Variants in PRDM1 observed in about 807,000 individuals in gnomAD.
PRDM1 encodes the protein PR domain zinc finger protein 1.
A neutral mutation model predicts 62.8 loss-of-function variants in PRDM1; 13 were observed. The ratio of observed to expected loss-of-function variants is 0.21; its 90% CI spans 0.13 to 0.33. PRDM1 has a LOEUF of 0.33. PRDM1 is among the 10% of genes least tolerant of loss of function. The probability of loss-of-function intolerance (pLI) is 1.00; values close to 1 mark genes in which losing one functional copy is unlikely to be tolerated. For synonymous variants in PRDM1, 396 were observed against 417.6 expected (o/e 0.95, Z 0.63); for missense variants, 895 against 1,058.8 (o/e 0.85, Z 2.15).
At chr6:106,074,129 T>TA in intron 1 of PRDM1, among the ~76,000 whole-genome samples, 1 of 152,328 alleles carries the variant, frequency 6.6e-6, no homozygotes, top group Admixed American at 6.5e-5. Flanking sequence ...TATAGCATCT[T>TA]AGTGGTTAAA....
chr6:106,078,356 T>C (rs940558714), intron 1 of PRDM1: 1 of 152,138 alleles, frequency 6.6e-6, no homozygotes, highest in Admixed American at 6.5e-5. Flanking sequence ...TAGAATTTCC[T>C]CAGAAGGGCA....
upstream of PRDM1, among the ~76,000 whole-genome samples, chr6:106,083,389 A>C (rs1773728242): frequency 1.3e-5 from 2 of 152,074 alleles, no homozygotes; most frequent in African/African-American, 4.8e-5. Flanking sequence ...TAGGAAAAAA[A>C]AGTTCCTTTC....
At chr6:106,065,304 T>G (rs1773415876) in intron 1 of PRDM1, among the ~76,000 whole-genome samples, 1 of 152,146 alleles carries the variant, frequency 6.6e-6, no homozygotes, top group Non-Finnish European at 1.5e-5. Context: ...TCTTATATAT[T>G]ATTTATTCAA....
At chr6:106,039,625 G>A (rs930819984) in intron 1 of PRDM1, among the ~76,000 whole-genome samples, 1 of 151,962 alleles carries the variant, frequency 6.6e-6, no homozygotes, top group African/African-American at 2.4e-5. Context: ...TTGAAATATA[G>A]GCCACCTGGA....
intron 1 of PRDM1, among the ~76,000 whole-genome samples, chr6:106,006,982 G>C (rs1772491418): frequency 6.6e-6 from 1 of 151,990 alleles, no homozygotes; most frequent in Non-Finnish European, 1.5e-5. Flanking sequence ...TCAAAGTCAT[G>C]CTTATTATCT....
upstream of PRDM1, among the ~76,000 whole-genome samples, chr6:106,081,935 G>T (rs76125945): frequency 5.6e-3 from 859 of 152,214 alleles, 17 homozygotes; most frequent in East Asian, 0.046. Flanking sequence ...TAAGCCAACT[G>T]GTCCTCCCTA....
intron 2 of PRDM1, among the ~76,000 whole-genome samples, chr6:106,092,055 T>A (rs1315149411): frequency 6.6e-6 from 1 of 151,572 alleles, no homozygotes; most frequent in Non-Finnish European, 1.5e-5. Flanking sequence ...CAGATGACAT[T>A]TAGACTTGGA....
Position 106,106,286 on chromosome 6 carries a change from G to T in PRDM1, c.1774-85G>T. The T allele has an allele frequency of 6.6e-7, 1 of 1,522,270 alleles. No homozygotes were observed. The highest frequency in any genetic ancestry group is 8.9e-7 in the Non-Finnish European group (1 of 1,118,606). 94.3% of individuals were successfully genotyped at this position (1,522,270 alleles called of 1,614,324 possible). On this transcript the variant is annotated intron_variant, in intron 5 of 6. Coordinates refer to ENST00000369096, the MANE Select transcript of PRDM1 (RefSeq NM_001198.4). This position sits in a 1 kb window ranked among gnomAD's most constrained non-coding sequence, Gnocchi z 4.4. ...TCTTGATGCTTTTCTTAAGATATTT[G>T]CATCAACACTTGAGTCTTGGAGCAG...
rs1774574573 is a variant in PRDM1, at chr6:106,108,430, C to T, written c.*944C>T. 1 of 231,614 alleles carries T rather than the reference C, an allele frequency of 4.3e-6. No individual in the cohort carries two copies. 14.3% of individuals were successfully genotyped at this position (231,614 alleles called of 1,614,324 possible). Reference sequence around the variant, plus strand: ...AAAAAAATGCCATGTTTTAAAACCACTGCGAAAATTTCCCCAAAGCATAGG... The same window carrying T: ...AAAAAAATGCCATGTTTTAAAACCATTGCGAAAATTTCCCCAAAGCATAGG... On this transcript the variant is annotated 3_prime_UTR_variant, in exon 7 of 7. Coordinates refer to ENST00000369096, the MANE Select transcript of PRDM1 (RefSeq NM_001198.4).
At chr6:106,086,639 GA>G (rs1418824192) in intron 1 of PRDM1, 44 bp downstream of exon 1, 3 of 1,488,006 alleles carry the variant, frequency 2.0e-6, no homozygotes, top group Non-Finnish European at 2.7e-6. Context: ...AAATTGATCT[GA>G]AAACTTTATT....
chr6:105,996,874 T>C (rs1489080859), intron 1 of PRDM1, among the ~76,000 whole-genome samples: 1 of 152,252 alleles, frequency 6.6e-6, no homozygotes, highest in Non-Finnish European at 1.5e-5. Context: ...CCAAATTGAC[T>C]GTCTCCTGGC....
chr6:106,107,373 T>C lies in PRDM1; in HGVS notation c.2365T>C (p.Cys789Arg). ...NMGNGLLSSGCSLYESSDLPL... is the reference protein window; with the variant it reads ...NMGNGLLSSGRSLYESSDLPL... ...GGGGAATGGACTCCTCTCCTCAGGG[T>C]GCAGCCTTTATGAGTCATCAGATCT... is the stretch of plus-strand genomic sequence containing the variant. Residue 789 changes from cysteine (C) to arginine (R), a missense_variant, in exon 7 of 7, where the codon TGC (cysteine) becomes CGC (arginine). This residue lies in a region of PRDM1 where 164 missense variants were observed against 179.9 expected (regional missense o/e 0.91). Transcript: ENST00000369096. 1 of 1,614,162 alleles carries C rather than the reference T, an allele frequency of 6.2e-7. No individual in the cohort carries two copies. Among genetic ancestry groups the C allele is most frequent in the Non-Finnish European group, 8.5e-7 (1 of 1,180,018 alleles).
At chr6:106,086,317 G>C (rs530061453), upstream of PRDM1, 1,111 of 442,774 alleles carry the variant, frequency 2.5e-3, 4 homozygotes, top group Non-Finnish European at 3.9e-3. Flanking sequence ...CTTAAGCAGG[G>C]AGGGGAAGCC....
chr6:106,094,794 T>C (rs998139664), intron 2 of PRDM1, among the ~76,000 whole-genome samples: 1 of 151,954 alleles, frequency 6.6e-6, no homozygotes, highest in Non-Finnish European at 1.5e-5. Flanking sequence ...TCCCAGCTAC[T>C]CAGGAGGCTG....
At chr6:106,019,196 G>A (rs1772661538) in intron 1 of PRDM1, among the ~76,000 whole-genome samples, 1 of 136,660 alleles carries the variant, frequency 7.3e-6, no homozygotes, top group South Asian at 2.4e-4. Context: ...AACCTGGGAG[G>A]TGGAGGTGGA....
upstream of PRDM1, among the ~76,000 whole-genome samples, chr6:106,043,581 T>C (rs1401595059): frequency 1.3e-5 from 2 of 152,228 alleles, no homozygotes; most frequent in African/African-American, 2.4e-5. Flanking sequence ...TTGCCCAGGC[T>C]GGAGTGCAAT....
chr6:106,031,825 T>C (rs1193571690), intron 1 of PRDM1, among the ~76,000 whole-genome samples: 1 of 152,186 alleles, frequency 6.6e-6, no homozygotes, highest in African/African-American at 2.4e-5. Context: ...AGATCAGCTA[T>C]CTAATTTTAA....
intron 1 of PRDM1, among the ~76,000 whole-genome samples, chr6:106,055,817 T>G (rs11152957): frequency 0.24 from 36,371 of 152,108 alleles, 5,013 homozygotes; most frequent in Non-Finnish European, 0.32. Flanking sequence ...GACTCTAGAT[T>G]TTTAGAGCTC....
chr6:106,099,244 G>T (rs1774197335), intron 3 of PRDM1, 56 bp from the exon 4 acceptor site: 1 of 1,610,814 alleles, frequency 6.2e-7, no homozygotes, highest in African/African-American at 1.3e-5. Flanking sequence ...TCTGAGAGGT[G>T]CTGGGGAGCT....
Sources: allele counts gnomAD v4.1 joint callset (sites outside exome capture counted in the v4.1 genomes callset), GRCh38; gene constraint gnomAD v4.1.1; regional missense constraint gnomAD v4.1.1; non-coding constraint Gnocchi (gnomAD v3.1); transcripts MANE v1.5; gene names NCBI Gene and HGNC (gene_info 2026-07-23, HGNC 2026-07-21).